Variants in PTPN4 observed in about 807,000 individuals in gnomAD.
PTPN4 encodes the protein tyrosine-protein phosphatase non-receptor type 4.
In PTPN4, 49 loss-of-function variants were observed where a neutral mutation model predicts 135.5. The ratio of observed to expected loss-of-function variants is 0.36; its 90% CI spans 0.29 to 0.46. The LOEUF is 0.46. Among genes scored for constraint, PTPN4 ranks in the 20% least tolerant of loss-of-function variants. The pLI is 1.00. For synonymous variants in PTPN4, 333 were observed against 369.9 expected, an observed-to-expected ratio of 0.90 and a Z score of 1.14; for missense variants, 860 against 1,101.0, an observed-to-expected ratio of 0.78 and a Z score of 3.10.
intron 2 of PTPN4, among the ~76,000 whole-genome samples, chr2:119,845,241 A>G (rs1475691492): frequency 0.17 from 4,801 of 27,436 alleles, 263 homozygotes; most frequent in South Asian, 0.21. Flanking sequence ...GGGGAGAGGG[A>G]GAGGGGGAGG....
intron 2 of PTPN4, among the ~76,000 whole-genome samples, chr2:119,852,685 T>A (rs1677610549): frequency 6.6e-6 from 1 of 152,148 alleles, no homozygotes; most frequent in Non-Finnish European, 1.5e-5. Context: ...TTTGGTTTAT[T>A]TTCTCTTTTT....
At chr2:119,776,862 G>A (rs371912311) in intron 1 of PTPN4, among the ~76,000 whole-genome samples, 2 of 152,218 alleles carry the variant, frequency 1.3e-5, no homozygotes, top group South Asian at 4.1e-4. Context: ...TAGGCTGTTA[G>A]TAGTGAAGTT....
At chr2:119,960,494 A>G (rs1259786265) in intron 22 of PTPN4, among the ~76,000 whole-genome samples, 2 of 151,860 alleles carry the variant, frequency 1.3e-5, no homozygotes, top group African/African-American at 4.8e-5. Context: ...AAAAATCATA[A>G]TCGGCCGGGT....
At chr2:119,877,984 G>A (rs920882232) in intron 5 of PTPN4, among the ~76,000 whole-genome samples, 2 of 152,014 alleles carry the variant, frequency 1.3e-5, no homozygotes, top group African/African-American at 4.8e-5. Flanking sequence ...TTATTTGCGG[G>A]TCAGTAGGTA....
chr2:119,942,569 A>G (rs906065420), intron 15 of PTPN4, among the ~76,000 whole-genome samples: 12 of 151,528 alleles, frequency 7.9e-5, no homozygotes, highest in Non-Finnish European at 8.8e-5. Flanking sequence ...CCTGGTTATG[A>G]CAACTGTATG....
At chr2:119,811,868 T>C (rs1179777432) in intron 2 of PTPN4, among the ~76,000 whole-genome samples, 1 of 151,874 alleles carries the variant, frequency 6.6e-6, no homozygotes, top group Non-Finnish European at 1.5e-5. Flanking sequence ...TAGAAAGACA[T>C]ATATATTAAT....
chr2:119,975,992 TTTA>T (rs1346285896), intron 26 of PTPN4, among the ~76,000 whole-genome samples: 47 of 99,234 alleles, frequency 4.7e-4, no homozygotes, highest in African/African-American at 1.7e-3. Flanking sequence ...TTTTTATTTA[TTTA>T]TTTATTTTTT....
At chr2:119,878,543 A>C (rs925773793) in intron 5 of PTPN4, among the ~76,000 whole-genome samples, 1 of 152,132 alleles carries the variant, frequency 6.6e-6, no homozygotes, top group African/African-American at 2.4e-5. Context: ...TAGAGAAACA[A>C]AAGGATAAAT....
rs1258629767 is a variant in PTPN4, at chr2:119,979,786, T to C, written c.*2716T>C. ...ACCCCTACCTCCCACCTTGACACCCTTAAGAAAGCAATGCTGACTTTTATT... is the reference window on the plus strand; with the variant it reads ...ACCCCTACCTCCCACCTTGACACCCCTAAGAAAGCAATGCTGACTTTTATT... On this transcript the variant is annotated 3_prime_UTR_variant, in exon 27 of 27. Coordinates refer to ENST00000263708, the MANE Select transcript of PTPN4 (RefSeq NM_002830.4). 6.6e-6 allele frequency: 1 copy of C among 152,118 alleles called. No individual in the cohort carries two copies. The highest frequency in any genetic ancestry group is 1.5e-5 in the Non-Finnish European group (1 of 67,956). 9.4% of individuals were successfully genotyped at this position (152,118 alleles called of 1,614,324 possible).
At chr2:119,777,913 C>T (rs1281782015) in intron 1 of PTPN4, among the ~76,000 whole-genome samples, 1 of 152,052 alleles carries the variant, frequency 6.6e-6, no homozygotes, top group Non-Finnish European at 1.5e-5. Context: ...GTCTCAGCCT[C>T]TCAAAGTGCT....
chr2:119,847,197 G>GTGTA (rs1553451288), intron 2 of PTPN4, among the ~76,000 whole-genome samples: 15 of 142,482 alleles, frequency 1.1e-4, no homozygotes, highest in African/African-American at 3.6e-4. Context: ...AATATATAGA[G>GTGTA]TATATATATA....
intron 2 of PTPN4, among the ~76,000 whole-genome samples, chr2:119,836,610 T>C (rs1677298088): frequency 6.6e-6 from 1 of 152,200 alleles, no homozygotes; most frequent in Non-Finnish European, 1.5e-5. Context: ...CCTGCCCTTC[T>C]GGGGGCAACT....
intron 22 of PTPN4, among the ~76,000 whole-genome samples, chr2:119,959,827 G>A (rs947375350): frequency 1.3e-5 from 2 of 152,108 alleles, no homozygotes; most frequent in Admixed American, 6.5e-5. Flanking sequence ...TGTCAAATGA[G>A]CACAGGTTGG....
At chr2:119,940,353 A>G (rs1679043132) in intron 15 of PTPN4, among the ~76,000 whole-genome samples, 1 of 152,224 alleles carries the variant, frequency 6.6e-6, no homozygotes. Context: ...ATGTAATATA[A>G]GTAGAGTATA....
chr2:119,935,325 ATACT>A (rs1678965981), intron 15 of PTPN4, among the ~76,000 whole-genome samples: 1 of 152,234 alleles, frequency 6.6e-6, no homozygotes, highest in South Asian at 2.1e-4. Context: ...GAAAATTAAA[ATACT>A]TACAAGATAT....
chr2:119,767,329 A>G (rs910514381), intron 1 of PTPN4, among the ~76,000 whole-genome samples: 15 of 152,040 alleles, frequency 9.9e-5, no homozygotes, highest in African/African-American at 3.6e-4. Flanking sequence ...ACCATTTCTA[A>G]TTTCATTTGG....
At chr2:119,921,346 G>T (rs1678734413) in intron 12 of PTPN4, among the ~76,000 whole-genome samples, 1 of 152,104 alleles carries the variant, frequency 6.6e-6, no homozygotes, top group African/African-American at 2.4e-5. Flanking sequence ...ATTAATTCAT[G>T]TTATATGTTC....
At chr2:119,810,018 T>A (rs1256027926) in intron 2 of PTPN4, 27 bp downstream of exon 2, 1 of 1,586,438 alleles carries the variant, frequency 6.3e-7, no homozygotes, top group Non-Finnish European at 8.6e-7. Flanking sequence ...TTTTAAAAAA[T>A]AATCTCTGGC....
intron 26 of PTPN4, among the ~76,000 whole-genome samples, chr2:119,973,559 T>G (rs1416273809): frequency 3.3e-5 from 5 of 152,140 alleles, no homozygotes; most frequent in Middle Eastern, 3.4e-3. Flanking sequence ...TTTTATAATT[T>G]GTTTAAAATC....
Sources: gnomAD v4.1 joint callset for allele counts (sites outside exome capture counted in the v4.1 genomes callset) on GRCh38, gnomAD v4.1.1 for gene constraint, MANE v1.5 for transcripts, NCBI Gene and HGNC (gene_info 2026-07-23, HGNC 2026-07-21) for gene names.